The following PDE4D variants were observed in gnomAD, a reference collection of about 807,000 sequenced individuals.
PDE4D encodes phosphodiesterase 4D, also known as 3',5'-cyclic-AMP phosphodiesterase 4D.
PDE4D carries 24 observed loss-of-function variants against 87.4 expected under a neutral mutation model. The observed-to-expected ratio is 0.27, with a 90% confidence interval of 0.20 to 0.39. The LOEUF (loss-of-function observed/expected upper bound fraction) is 0.39, where lower values mean the gene tolerates loss of function less well. Among genes scored for constraint, PDE4D ranks in the 10% least tolerant of loss-of-function variants. The probability of loss-of-function intolerance (pLI) is 1.00; values close to 1 mark genes in which losing one functional copy is unlikely to be tolerated. For missense variants in PDE4D, 714 were observed against 1,041.0 expected, an observed-to-expected ratio of 0.69 and a Z score of 4.32; for synonymous variants, 384 against 383.2, an observed-to-expected ratio of 1.00 and a Z score of -0.02.
At chr5:60,254,143 A>G (rs1172460512) in intron 1 of PDE4D, among the ~76,000 whole-genome samples, 7 of 151,906 alleles carry the variant, frequency 4.6e-5, no homozygotes, top group Non-Finnish European at 1.0e-4. Context: ...CTCAAAGGAG[A>G]GGCATTGCTA....
At chr5:58,989,003 A>G (rs963852368) in intron 10 of PDE4D, among the ~76,000 whole-genome samples, 1 of 152,172 alleles carries the variant, frequency 6.6e-6, no homozygotes, top group African/African-American at 2.4e-5. Flanking sequence ...CACTATTGAC[A>G]TTTTGGGCCC....
intron 1 of PDE4D, among the ~76,000 whole-genome samples, chr5:59,753,914 C>A (rs1270879662): frequency 6.6e-6 from 1 of 152,226 alleles, no homozygotes; most frequent in African/African-American, 2.4e-5. Flanking sequence ...TAATGTTTCT[C>A]TTTAATTTAT....
intron 1 of PDE4D, among the ~76,000 whole-genome samples, chr5:59,596,144 T>A (rs2153704842): frequency 6.6e-6 from 1 of 151,738 alleles, no homozygotes; most frequent in African/African-American, 2.4e-5. Context: ...CATGCACATA[T>A]ATAATTACAC....
chr5:59,058,513 A>T (rs1351100708), intron 5 of PDE4D, among the ~76,000 whole-genome samples: 1 of 152,168 alleles, frequency 6.6e-6, no homozygotes, highest in African/African-American at 2.4e-5. Flanking sequence ...TGCCTGTTAT[A>T]CCAGTGTAAT....
chr5:60,355,860 G>A (rs1468566065), intron 1 of PDE4D, among the ~76,000 whole-genome samples: 2 of 152,056 alleles, frequency 1.3e-5, no homozygotes, highest in Non-Finnish European at 2.9e-5. Context: ...GGCTCAGGAG[G>A]AAGAAGAAGA....
intron 1 of PDE4D, among the ~76,000 whole-genome samples, chr5:60,263,783 T>C (rs1000154634): frequency 3.3e-5 from 5 of 152,008 alleles, no homozygotes; most frequent in Non-Finnish European, 2.9e-5. Flanking sequence ...AAACACCTAT[T>C]ATGAGCAGAG....
chr5:59,740,980 C>T (rs559540871), intron 1 of PDE4D, among the ~76,000 whole-genome samples: 2 of 152,264 alleles, frequency 1.3e-5, no homozygotes, highest in African/African-American at 4.8e-5. Flanking sequence ...ATGGTTTAGT[C>T]TCTTTGTACT....
rs545754973 is a variant in PDE4D at position 59,198,312 on chromosome 5, T to TATGTATGTATGTATGCACACATGTATAC, written c.648-4804_648-4777dup. Reference sequence around the variant, plus strand: ...AAGTCATTTTGACACTGCGTGTCTATATGTATGTATGTATGCACACATGTA... The same window carrying TATGTATGTATGTATGCACACATGTATAC: ...AAGTCATTTTGACACTGCGTGTCTATATGTATGTATGTATGCACACATGTATACATGTATGTATGTATGCACACATGTA... On this transcript the variant is annotated intron_variant, in intron 2 of 14. Transcript: ENST00000340635. Among the ~76,000 whole-genome samples, 356 of 152,152 alleles carry TATGTATGTATGTATGCACACATGTATAC rather than the reference T, an allele frequency of 2.3e-3. 1 individual carries two copies. Among genetic ancestry groups the TATGTATGTATGTATGCACACATGTATAC allele is most frequent in the Admixed American group, 3.8e-3 (58 of 15,276 alleles).
In PDE4D at chr5:59,498,958, C is replaced by G. The variant is rs564750229; in HGVS notation, c.456-282990G>C. Reference sequence around the variant, plus strand: ...ATCTATAGAATACTCCACCCAACAACTACAGAATATGCATTCTTCTCATCT... The same window carrying G: ...ATCTATAGAATACTCCACCCAACAAGTACAGAATATGCATTCTTCTCATCT... On this transcript the variant is annotated intron_variant, in intron 1 of 14. Transcript: ENST00000340635. Among the ~76,000 whole-genome samples the G allele has an allele frequency of 2.0e-5, 3 of 152,190 alleles. No homozygotes were observed. The South Asian group carries it at 6.2e-4, about 32-fold the overall frequency.
intron 1 of PDE4D, among the ~76,000 whole-genome samples, chr5:59,345,904 CTAAG>C (rs1409859113): frequency 6.6e-6 from 1 of 152,152 alleles, no homozygotes; most frequent in Non-Finnish European, 1.5e-5. Context: ...CATTTGTTTA[CTAAG>C]TGATATATCC....
intron 1 of PDE4D, among the ~76,000 whole-genome samples, chr5:59,632,254 C>T (rs1461581430): frequency 6.6e-6 from 1 of 152,168 alleles, no homozygotes; most frequent in Non-Finnish European, 1.5e-5. Context: ...CAGGGGCTTA[C>T]AGATAAAACT....
chr5:60,387,107 T>C (rs1266323731), intron 1 of PDE4D, among the ~76,000 whole-genome samples: 1 of 152,218 alleles, frequency 6.6e-6, no homozygotes, highest in Non-Finnish European at 1.5e-5. Flanking sequence ...AACACTAGGA[T>C]TCTTTCATCT....
At chr5:59,548,796 C>A (rs938361838) in intron 1 of PDE4D, among the ~76,000 whole-genome samples, 1 of 152,128 alleles carries the variant, frequency 6.6e-6, no homozygotes, top group Non-Finnish European at 1.5e-5. Flanking sequence ...AGTCTCAGCT[C>A]TGCAGGGTGC....
chr5:60,446,003 A>G (rs1397363425), intron 1 of PDE4D, among the ~76,000 whole-genome samples: 1 of 152,178 alleles, frequency 6.6e-6, no homozygotes, highest in African/African-American at 2.4e-5. Context: ...TCTCAAAAGA[A>G]AAATAAGTAA....
chr5:59,309,837 G>T (rs1285114045), intron 1 of PDE4D, among the ~76,000 whole-genome samples: 3 of 152,084 alleles, frequency 2.0e-5, no homozygotes, highest in Non-Finnish European at 4.4e-5. Flanking sequence ...AAGAACCAAA[G>T]ACTGTGTATC....
At chr5:59,802,548 A>G (rs2152667642) in intron 1 of PDE4D, among the ~76,000 whole-genome samples, 1 of 151,674 alleles carries the variant, frequency 6.6e-6, no homozygotes, top group East Asian at 2.0e-4. Flanking sequence ...ACAGGTGCAA[A>G]CCACCACGCT....
chr5:58,986,174 G>C (rs1746378237), intron 11 of PDE4D, among the ~76,000 whole-genome samples: 1 of 152,240 alleles, frequency 6.6e-6, no homozygotes, highest in South Asian at 2.1e-4. Flanking sequence ...GGCAGGATTA[G>C]TTATCCTTCC....
chr5:60,110,966 T>C (rs1425008702), intron 2 of PDE4D, among the ~76,000 whole-genome samples: 2 of 151,972 alleles, frequency 1.3e-5, no homozygotes, highest in Non-Finnish European at 2.9e-5. Flanking sequence ...ATTCAGCTCA[T>C]GGTAGTAAAG....
At chr5:59,499,377 A>G (rs1275564035) in intron 1 of PDE4D, among the ~76,000 whole-genome samples, 1 of 151,428 alleles carries the variant, frequency 6.6e-6, no homozygotes. Flanking sequence ...AAAAACAAGA[A>G]CAAAACTAAA....
Sources: gnomAD v4.1 joint callset for allele counts (sites outside exome capture counted in the v4.1 genomes callset) on GRCh38, gnomAD v4.1.1 for gene constraint, MANE v1.5 for transcripts, NCBI Gene and HGNC (gene_info 2026-07-23, HGNC 2026-07-21) for gene names.